Variants in DRC11 observed in about 807,000 individuals in gnomAD.
The protein encoded by DRC11 is IQ and AAA domain-containing protein 1.
At chr2:236,470,625 G>T in the DRC11 span, among the ~76,000 whole-genome samples, 4 of 152,158 alleles carry the variant, frequency 2.6e-5, no homozygotes, top group Non-Finnish European at 5.9e-5. This position sits in a 1 kb window ranked among gnomAD's most constrained non-coding sequence, Gnocchi z 5.1. Context: ...CAGCCATTTT[G>T]TTTCATCATT....
chr2:236,435,036 A>G, the DRC11 span, among the ~76,000 whole-genome samples: 1 of 152,210 alleles, frequency 6.6e-6, no homozygotes, highest in Non-Finnish European at 1.5e-5. Context: ...GGGCTGAGGC[A>G]GCCTTTGGGA....
the DRC11 span, among the ~76,000 whole-genome samples, chr2:236,327,351 G>A: frequency 6.6e-6 from 1 of 152,028 alleles, no homozygotes; most frequent in African/African-American, 2.4e-5. Context: ...CTATCTCCCA[G>A]GTTCAAGAAT....
At chr2:236,335,438 C>T in the DRC11 span, among the ~76,000 whole-genome samples, 6 of 152,238 alleles carry the variant, frequency 3.9e-5, no homozygotes, top group African/African-American at 1.4e-4. This position sits in a 1 kb window ranked among gnomAD's most constrained non-coding sequence, Gnocchi z 5.6. Flanking sequence ...ACCCAGGGCC[C>T]CAGAGAAGTG....
At chr2:236,491,235 ATATATACACAG>A in the DRC11 span, among the ~76,000 whole-genome samples, 13 of 69,070 alleles carry the variant, frequency 1.9e-4, 1 homozygote, top group African/African-American at 9.0e-4. Flanking sequence ...ATATATATAT[ATATATACACAG>A]TATATATATA....
chr2:236,507,439 A>C, the DRC11 span: 1 of 672,388 alleles, frequency 1.5e-6, no homozygotes. Flanking sequence ...GGGCAGGAAA[A>C]GGTGAGGCCG....
chr2:236,475,887 A>G, the DRC11 span, among the ~76,000 whole-genome samples: 1 of 152,118 alleles, frequency 6.6e-6, no homozygotes, highest in Admixed American at 6.5e-5. This position sits in a 1 kb window ranked among gnomAD's most constrained non-coding sequence, Gnocchi z 4.8. Context: ...CTGTAAATGC[A>G]TGGATTTATT....
chr2:236,361,507 G>A, the DRC11 span, among the ~76,000 whole-genome samples: 1 of 152,178 alleles, frequency 6.6e-6, no homozygotes, highest in Non-Finnish European at 1.5e-5. The surrounding 1 kb of genome is among the most constrained non-coding windows in gnomAD (Gnocchi z 5.7). Flanking sequence ...ATTTATAGAT[G>A]TAAAATGTAT....
At chr2:236,406,570 A>G in the DRC11 span, among the ~76,000 whole-genome samples, 1 of 152,216 alleles carries the variant, frequency 6.6e-6, no homozygotes, top group Non-Finnish European at 1.5e-5. This position sits in a 1 kb window ranked among gnomAD's most constrained non-coding sequence, Gnocchi z 4.7. Context: ...GCGATTTTGA[A>G]GAGGCTGACG....
chr2:236,437,851 CAGA>C, the DRC11 span, among the ~76,000 whole-genome samples: 1 of 147,390 alleles, frequency 6.8e-6, no homozygotes, highest in African/African-American at 2.5e-5. Flanking sequence ...AGCCCTTTGT[CAGA>C]TGAGTAGGTT....
At chr2:236,445,058 A>C in the DRC11 span, among the ~76,000 whole-genome samples, 1 of 152,210 alleles carries the variant, frequency 6.6e-6, no homozygotes, top group African/African-American at 2.4e-5. This position sits in a 1 kb window ranked among gnomAD's most constrained non-coding sequence, Gnocchi z 4.8. Context: ...TAGGAGTCAA[A>C]ATGACAGCAC....
the DRC11 span, among the ~76,000 whole-genome samples, chr2:236,450,322 T>C: frequency 1.6e-3 from 219 of 136,388 alleles, 1 homozygote; most frequent in African/African-American, 6.0e-3. Context: ...TTCTTTTTTT[T>C]TTTTTTTTTT....
chr2:236,425,704 C>T, the DRC11 span, among the ~76,000 whole-genome samples: 1 of 151,954 alleles, frequency 6.6e-6, no homozygotes, highest in Non-Finnish European at 1.5e-5. Context: ...CAGAAAATCA[C>T]TGCCCAGATC....
the DRC11 span, among the ~76,000 whole-genome samples, chr2:236,450,411 C>T: frequency 2.7e-5 from 4 of 149,378 alleles, no homozygotes; most frequent in Non-Finnish European, 5.9e-5. Flanking sequence ...CCTCCACCTC[C>T]GGGGTTCAAG....
the DRC11 span, chr2:236,346,743 A>G: frequency 5.9e-6 from 1 of 168,798 alleles, no homozygotes. Flanking sequence ...GTATTTCTAT[A>G]ATAATCATTG....
At chr2:236,502,058 C>CT in the DRC11 span, among the ~76,000 whole-genome samples, 8 of 152,156 alleles carry the variant, frequency 5.3e-5, no homozygotes, top group South Asian at 1.5e-3. Context: ...TTAAAAATGC[C>CT]CTCCCCACAC....
chr2:236,452,657 AT>A, the DRC11 span, among the ~76,000 whole-genome samples: 3 of 152,368 alleles, frequency 2.0e-5, no homozygotes, highest in East Asian at 5.8e-4. The surrounding 1 kb of genome is among the most constrained non-coding windows in gnomAD (Gnocchi z 4.7). Context: ...AAAAAGTGTT[AT>A]GCGAAGCAAG....
chr2:236,479,471 T>A, the DRC11 span, among the ~76,000 whole-genome samples: 1 of 152,218 alleles, frequency 6.6e-6, no homozygotes, highest in African/African-American at 2.4e-5. The surrounding 1 kb of genome is among the most constrained non-coding windows in gnomAD (Gnocchi z 4.1). Flanking sequence ...TATATTTTAA[T>A]TAATTGCTTT....
At chr2:236,412,678 AT>A in the DRC11 span, 5 of 152,240 alleles carry the variant, frequency 3.3e-5, no homozygotes, top group African/African-American at 1.2e-4. Flanking sequence ...CAGGCAAGTC[AT>A]CCTTTGTGGT....
At chr2:236,475,395 G>A in the DRC11 span, among the ~76,000 whole-genome samples, 1 of 152,118 alleles carries the variant, frequency 6.6e-6, no homozygotes, top group Non-Finnish European at 1.5e-5. This position sits in a 1 kb window ranked among gnomAD's most constrained non-coding sequence, Gnocchi z 4.8. Context: ...GGCACTTAGG[G>A]TGATTCCATA....
Sources: allele counts gnomAD v4.1 joint callset (sites outside exome capture counted in the v4.1 genomes callset), GRCh38; gene constraint gnomAD v4.1.1; non-coding constraint Gnocchi (gnomAD v3.1); transcripts MANE v1.5; gene names NCBI Gene and HGNC (gene_info 2026-07-23, HGNC 2026-07-21).